GRM8: variants seen among roughly 807,000 people sequenced by gnomAD.
GRM8 encodes the protein metabotropic glutamate receptor 8.
A neutral mutation model predicts 87.2 loss-of-function variants in GRM8; 47 were observed. The observed-to-expected ratio is 0.54, with a 90% CI of 0.43 to 0.69. GRM8 has a LOEUF of 0.69. GRM8 is among the 30% of genes least tolerant of loss of function. The pLI is 0.00. For synonymous variants in GRM8, 396 were observed against 404.5 expected (o/e 0.98, Z 0.25); for missense variants, 1,019 against 1,139.2 (o/e 0.89, Z 1.52).
chr7:127,088,208 GC>G (rs1320756265), intron 3 of GRM8, among the ~76,000 whole-genome samples: 1 of 152,144 alleles, frequency 6.6e-6, no homozygotes, highest in African/African-American at 2.4e-5. Flanking sequence ...TGCAATATGT[GC>G]TATTTTCACT....
intron 3 of GRM8, among the ~76,000 whole-genome samples, chr7:126,983,656 G>T (rs747728022): frequency 6.6e-6 from 1 of 152,170 alleles, no homozygotes; most frequent in African/African-American, 2.4e-5. Flanking sequence ...CCACAACGGA[G>T]GTAAGGAAGG....
chr7:126,821,994 C>T (rs1794339364), intron 6 of GRM8, among the ~76,000 whole-genome samples: 1 of 152,054 alleles, frequency 6.6e-6, no homozygotes, highest in African/African-American at 2.4e-5. Flanking sequence ...GTAGACTCTT[C>T]TTCATTGGGG....
chr7:127,101,285 T>C (rs923230173), intron 3 of GRM8, among the ~76,000 whole-genome samples: 3 of 152,148 alleles, frequency 2.0e-5, no homozygotes, highest in African/African-American at 7.2e-5. Flanking sequence ...CCTTGTCTTC[T>C]ACTTCTTATA....
At chr7:127,028,821 T>C (rs555505039) in intron 3 of GRM8, among the ~76,000 whole-genome samples, 24 of 152,308 alleles carry the variant, frequency 1.6e-4, no homozygotes, top group African/African-American at 5.8e-4. Context: ...TTTTTTTGTG[T>C]GTCTCTATCT....
intron 2 of GRM8, among the ~76,000 whole-genome samples, chr7:127,197,513 T>C (rs1795349424): frequency 6.6e-6 from 1 of 152,184 alleles, no homozygotes; most frequent in South Asian, 2.1e-4. Context: ...ATTCATTGAT[T>C]CGTATGTATA....
intron 8 of GRM8, among the ~76,000 whole-genome samples, chr7:126,605,577 TA>T (rs1200378660): frequency 2.0e-5 from 3 of 152,216 alleles, no homozygotes; most frequent in African/African-American, 7.2e-5. Context: ...CCAATATGCC[TA>T]ACCATATACC....
chr7:126,886,350 T>G (rs35048719), intron 6 of GRM8, among the ~76,000 whole-genome samples: 22,478 of 152,162 alleles, frequency 0.15, 1,876 homozygotes, highest in Non-Finnish European at 0.2. Context: ...AGAAAAGCTT[T>G]CCTACTGCTA....
At chr7:126,823,000 A>G (rs1794444189) in intron 6 of GRM8, among the ~76,000 whole-genome samples, 1 of 152,204 alleles carries the variant, frequency 6.6e-6, no homozygotes, top group Admixed American at 6.5e-5. Flanking sequence ...CAACTCTACT[A>G]TGATTCTAAA....
At position 126,442,007 on chromosome 7, in the gene GRM8, A is replaced by G. The variant is rs1380705457; in HGVS notation, c.2678-2839T>C. On this transcript the variant is annotated intron_variant, in intron 10 of 10. Coordinates refer to ENST00000339582, the MANE Select transcript of GRM8 (RefSeq NM_000845.3). ...TTCTATTCCCTGCAAAATGCGTGAAAAAAAAAAAATCATTGGGCCAGGTTA... is the reference window on the plus strand; with the variant it reads ...TTCTATTCCCTGCAAAATGCGTGAAGAAAAAAAAATCATTGGGCCAGGTTA... Among the ~76,000 whole-genome samples, 4 of 6,900 alleles carry G rather than the reference A, an allele frequency of 5.8e-4. No homozygotes were observed. In the East Asian group the frequency reaches 0.014, roughly 24 times the overall value. The allele number at this position is 6,900 out of a possible 152,430, so 4.5% of individuals were successfully genotyped here.
At chr7:127,071,518 C>G (rs1821686257) in intron 3 of GRM8, among the ~76,000 whole-genome samples, 1 of 152,216 alleles carries the variant, frequency 6.6e-6, no homozygotes, top group Non-Finnish European at 1.5e-5. Context: ...GAGCTACGTT[C>G]TCTGCATCAC....
At chr7:126,882,693 C>T (rs918516200) in intron 6 of GRM8, among the ~76,000 whole-genome samples, 5 of 152,072 alleles carry the variant, frequency 3.3e-5, no homozygotes, top group Non-Finnish European at 7.4e-5. Flanking sequence ...AGTATCTACA[C>T]CAAATGTTTC....
chr7:126,971,055 A>G (rs1810366319), intron 3 of GRM8, among the ~76,000 whole-genome samples: 1 of 151,964 alleles, frequency 6.6e-6, no homozygotes, highest in Non-Finnish European at 1.5e-5. Flanking sequence ...TATCGGGAAA[A>G]TTACCAAAAT....
chr7:127,137,664 C>A (rs1038349733), intron 2 of GRM8, among the ~76,000 whole-genome samples: 13 of 151,764 alleles, frequency 8.6e-5, no homozygotes, highest in Admixed American at 8.5e-4. Context: ...CATTGTTTTG[C>A]CATCTTTGGG....
chr7:127,238,527 T>C (rs983332761), intron 2 of GRM8, among the ~76,000 whole-genome samples: 6 of 152,078 alleles, frequency 3.9e-5, no homozygotes, highest in Admixed American at 6.6e-5. Context: ...GCCTCCCAGG[T>C]AGTTTTAATA....
intron 2 of GRM8, among the ~76,000 whole-genome samples, chr7:127,182,156 C>CA (rs1466389647): frequency 6.6e-6 from 1 of 151,798 alleles, no homozygotes; most frequent in Non-Finnish European, 1.5e-5. Context: ...AAGAAAAAAA[C>CA]AAACAATCCC....
At chr7:126,712,483 C>A (rs948895727) in intron 7 of GRM8, among the ~76,000 whole-genome samples, 1 of 152,150 alleles carries the variant, frequency 6.6e-6, no homozygotes, top group South Asian at 2.1e-4. Flanking sequence ...ACAGCACCCA[C>A]CGACTTGAAA....
At chr7:126,496,283 G>A (rs1562882487) in intron 9 of GRM8, among the ~76,000 whole-genome samples, 1 of 151,836 alleles carries the variant, frequency 6.6e-6, no homozygotes, top group Non-Finnish European at 1.5e-5. Flanking sequence ...GAGGTAGGAG[G>A]GAAGGAAAGA....
At chr7:126,899,944 G>A (rs905308784) in intron 6 of GRM8, among the ~76,000 whole-genome samples, 1 of 152,006 alleles carries the variant, frequency 6.6e-6, no homozygotes, top group Admixed American at 6.6e-5. Flanking sequence ...AGTCCCTGCA[G>A]CACTGAAACC....
intron 2 of GRM8, among the ~76,000 whole-genome samples, chr7:127,107,878 G>C (rs1283076047): frequency 6.6e-6 from 1 of 152,180 alleles, no homozygotes; most frequent in Admixed American, 6.5e-5. Context: ...TTCCTAAAAC[G>C]TAAAAGTCAT....
Sources: gnomAD v4.1 joint callset for allele counts (sites outside exome capture counted in the v4.1 genomes callset) on GRCh38, gnomAD v4.1.1 for gene constraint, MANE v1.5 for transcripts, NCBI Gene and HGNC (gene_info 2026-07-23, HGNC 2026-07-21) for gene names.